The following SNX10 variants were observed in gnomAD, a reference collection of about 807,000 sequenced individuals.
The protein encoded by SNX10 is sorting nexin 10, also known as sorting nexin-10.
In SNX10, 25 loss-of-function variants were observed where a neutral mutation model predicts 28.5. The ratio of observed to expected loss-of-function variants is 0.88; its 90% CI spans 0.64 to 1.22. The LOEUF (loss-of-function observed/expected upper bound fraction) is 1.22, where lower values mean the gene tolerates loss of function less well. Among genes scored for constraint, SNX10 ranks in the 50% most tolerant of loss-of-function variants. The pLI, the probability that SNX10 is intolerant of heterozygous loss-of-function variation, is 0.00. For missense variants in SNX10, 223 were observed against 242.6 expected, an observed-to-expected ratio of 0.92 and a Z score of 0.54; for synonymous variants, 62 against 81.4, an observed-to-expected ratio of 0.76 and a Z score of 1.28.
At chr7:26,303,166 A>G (rs1786444235) in intron 1 of SNX10, among the ~76,000 whole-genome samples, 1 of 152,210 alleles carries the variant, frequency 6.6e-6, no homozygotes, top group African/African-American at 2.4e-5. Flanking sequence ...GATTCTTTCA[A>G]GATTACAGTA....
intron 1 of SNX10, among the ~76,000 whole-genome samples, chr7:26,294,891 G>T (rs1201608389): frequency 6.6e-6 from 1 of 152,194 alleles, no homozygotes; most frequent in Non-Finnish European, 1.5e-5. Context: ...TGAACTAGGA[G>T]CCTGGGTCTG....
At chr7:26,323,719 G>A (rs1471490346) in intron 1 of SNX10, among the ~76,000 whole-genome samples, 12 of 152,232 alleles carry the variant, frequency 7.9e-5, no homozygotes, top group Admixed American at 7.9e-4. Context: ...AATGGATCGT[G>A]TGGGGCAAGA....
At chr7:26,330,323 G>T (rs1185403290) in intron 1 of SNX10, among the ~76,000 whole-genome samples, 1 of 152,108 alleles carries the variant, frequency 6.6e-6, no homozygotes, top group African/African-American at 2.4e-5. Flanking sequence ...GAGGAGGTTG[G>T]TCACATTCCT....
intron 3 of SNX10, among the ~76,000 whole-genome samples, 171 bp downstream of exon 3, chr7:26,361,232 A>C (rs1357931973): frequency 1.3e-5 from 2 of 152,254 alleles, no homozygotes; most frequent in Non-Finnish European, 2.9e-5. Flanking sequence ...CTAAAGTTGA[A>C]AAATTACTTA....
In SNX10 at chr7:26,364,513, T is replaced by G. The variant is rs753090716; in HGVS notation, c.112-22T>G. On this transcript the variant is annotated intron_variant, in intron 3 of 6. Coordinates refer to ENST00000338523, the MANE Select transcript of SNX10 (RefSeq NM_013322.3). The surrounding 1 kb of genome is among the most constrained non-coding windows in gnomAD (Gnocchi z 4.9). The stretch of plus-strand genomic sequence containing the variant: ...CATTTTTTTCCTCAGGTAAGACTCA[T>G]TTTTCTACTTTCTCTGTACAGACTA... 3.8e-6 allele frequency: 6 copies of G among 1,592,186 alleles called. No homozygotes were observed. The South Asian group carries it at 5.7e-5, about 15-fold the overall frequency.
Position 26,372,501 on chromosome 7 carries a change from G to A in SNX10, c.535G>A (p.Gly179Arg). The change falls in exon 7 of 7, where the codon GGG (glycine) becomes AGG (arginine). Residue 179 changes from glycine to arginine, a missense_variant. Coordinates refer to ENST00000338523, the MANE Select transcript of SNX10 (RefSeq NM_013322.3). ...IDYDSESSSS[G>R]LGHSSDDSSS... ...TCTCTTCTTTTCCAGTTCATCCTCT[G>A]GGCTTGGACACAGTAGTGATGACAG... 6.2e-7 allele frequency: 1 copy of A among 1,606,146 alleles called. No homozygotes were observed.
chr7:26,338,452 A>G (rs1327648096), intron 1 of SNX10, among the ~76,000 whole-genome samples: 1 of 151,960 alleles, frequency 6.6e-6, no homozygotes. Context: ...TTGAGACTGC[A>G]TCTCGCTCTG....
chr7:26,369,039 A>G (rs1350082462), intron 5 of SNX10, among the ~76,000 whole-genome samples: 1 of 152,180 alleles, frequency 6.6e-6, no homozygotes, highest in Non-Finnish European at 1.5e-5. Flanking sequence ...AGTTTAGGGA[A>G]AAAAAACAGA....
At chr7:26,299,891 GTC>G (rs1359212113) in intron 1 of SNX10, among the ~76,000 whole-genome samples, 1 of 151,896 alleles carries the variant, frequency 6.6e-6, no homozygotes, top group Non-Finnish European at 1.5e-5. Flanking sequence ...GTGAGACCCT[GTC>G]TCTGTTTTCA....
At chr7:26,371,303 A>C (rs1789520913) in intron 5 of SNX10, among the ~76,000 whole-genome samples, 2 of 152,178 alleles carry the variant, frequency 1.3e-5, no homozygotes. Context: ...CATCTCTCTC[A>C]TGAGCTGTCG....
intron 1 of SNX10, among the ~76,000 whole-genome samples, chr7:26,302,165 C>G (rs1786394521): frequency 6.6e-6 from 1 of 152,126 alleles, no homozygotes; most frequent in Non-Finnish European, 1.5e-5. Context: ...CATTTTCCAT[C>G]TCAGGTGTGC....
At chr7:26,361,343 A>G (rs929632654) in intron 3 of SNX10, among the ~76,000 whole-genome samples, 13 of 152,212 alleles carry the variant, frequency 8.5e-5, no homozygotes, top group Non-Finnish European at 1.8e-4. Context: ...GGTAAAGAGT[A>G]CTTATAGCTC....
At chr7:26,325,328 TTTG>T (rs1787464836) in intron 1 of SNX10, among the ~76,000 whole-genome samples, 6 of 123,114 alleles carry the variant, frequency 4.9e-5, no homozygotes, top group Non-Finnish European at 1.1e-4. Context: ...TATATATATA[TTTG>T]AGATGGAGTC....
At chr7:26,355,052 G>A (rs2128017827) in intron 2 of SNX10, among the ~76,000 whole-genome samples, 1 of 152,278 alleles carries the variant, frequency 6.6e-6, no homozygotes, top group East Asian at 1.9e-4. Flanking sequence ...CTCTTGGCCT[G>A]TGGATGTCCA....
chr7:26,355,810 C>T (rs956121887), intron 2 of SNX10, among the ~76,000 whole-genome samples: 1 of 152,164 alleles, frequency 6.6e-6, no homozygotes, highest in Non-Finnish European at 1.5e-5. Context: ...AGAGTACAGT[C>T]TTTGGAACAA....
At chr7:26,322,468 G>A (rs1787347576) in intron 1 of SNX10, among the ~76,000 whole-genome samples, 1 of 152,172 alleles carries the variant, frequency 6.6e-6, no homozygotes, top group East Asian at 1.9e-4. Flanking sequence ...AAAGTCCAGT[G>A]CATTGTCTTT....
chr7:26,316,725 C>G (rs1370044626), intron 1 of SNX10, among the ~76,000 whole-genome samples: 1 of 152,118 alleles, frequency 6.6e-6, no homozygotes, highest in Non-Finnish European at 1.5e-5. Context: ...AGCAGGTGGA[C>G]CAGGGTCACT....
intron 1 of SNX10, among the ~76,000 whole-genome samples, chr7:26,335,711 A>G (rs1787901158): frequency 6.6e-6 from 1 of 151,708 alleles, no homozygotes; most frequent in Non-Finnish European, 1.5e-5. Context: ...ATTGAATTTA[A>G]AATAACCTCG....
chr7:26,336,372 T>TAA (rs35209815), intron 1 of SNX10, among the ~76,000 whole-genome samples: 15 of 140,660 alleles, frequency 1.1e-4, no homozygotes, highest in Middle Eastern at 3.7e-3. Context: ...AGTAAATATG[T>TAA]AAAAAAAAAA....
Sources: allele counts gnomAD v4.1 joint callset (sites outside exome capture counted in the v4.1 genomes callset), GRCh38; gene constraint gnomAD v4.1.1; non-coding constraint Gnocchi (gnomAD v3.1); transcripts MANE v1.5; gene names NCBI Gene and HGNC (gene_info 2026-07-23, HGNC 2026-07-21).